OPRK1: variants seen among roughly 807,000 people sequenced by gnomAD.
OPRK1 encodes the protein opioid receptor kappa 1.
Under a neutral mutation model 24.5 loss-of-function variants are expected in OPRK1, and 15 were observed. That is an observed-to-expected ratio of 0.61 (90% CI 0.41 to 0.94). OPRK1 has a LOEUF of 0.94. Ranked by LOEUF, OPRK1 falls within the 40% of genes least tolerant of loss-of-function variation. The pLI, the probability that OPRK1 is intolerant of heterozygous loss-of-function variation, is 0.00. For synonymous variants in OPRK1, 205 were observed against 198.0 expected (o/e 1.04, Z -0.30); for missense variants, 479 against 507.3 (o/e 0.94, Z 0.54).
intron 2 of OPRK1, among the ~76,000 whole-genome samples, chr8:53,247,416 C>T (rs1168222584): frequency 6.6e-6 from 1 of 152,102 alleles, no homozygotes; most frequent in Non-Finnish European, 1.5e-5. Flanking sequence ...TAATGATATA[C>T]CTATAGTTGT....
chr8:53,236,284 T>A (rs1367994746), intron 2 of OPRK1, among the ~76,000 whole-genome samples: 3 of 152,176 alleles, frequency 2.0e-5, no homozygotes, highest in Non-Finnish European at 4.4e-5. Context: ...TAAATAAGAA[T>A]CATAAAACCT....
chr8:53,251,353 T>G, intron 1 of OPRK1, 95 bp downstream of exon 1: 1 of 420,092 alleles, frequency 2.4e-6, no homozygotes, highest in Non-Finnish European at 4.2e-6. Flanking sequence ...GGTGGAACTG[T>G]CCCCAGACTG....
In OPRK1 at chr8:53,225,835, A is replaced by G. The variant is rs1030732359; in HGVS notation, c.*3462T>C. On this transcript the variant is annotated 3_prime_UTR_variant, in exon 4 of 4. Transcript: ENST00000265572. Reference sequence around the variant, plus strand: ...ATAAAAATCATATACATTATAGTAAAGAACATATGAGTATATTCTTGTTTC... The same window carrying G: ...ATAAAAATCATATACATTATAGTAAGGAACATATGAGTATATTCTTGTTTC... 5.2e-5 allele frequency: 8 copies of G among 152,654 alleles called. No homozygotes were observed. The highest frequency in any genetic ancestry group is 1.9e-4 in the African/African-American group (8 of 41,476). 9.5% of individuals were successfully genotyped at this position (152,654 alleles called of 1,614,324 possible). A position where few individuals can be genotyped will look rare whatever the true frequency, so the allele number is the denominator to read the frequency against.
At chr8:53,245,119 G>A (rs538737406) in intron 2 of OPRK1, among the ~76,000 whole-genome samples, 8 of 152,246 alleles carry the variant, frequency 5.3e-5, no homozygotes, top group African/African-American at 1.9e-4. Context: ...CTTCAGTGCA[G>A]GTGCAATTTA....
intron 1 of OPRK1, 79 bp from the exon 2 acceptor site, chr8:53,251,164 A>G (rs893088774): frequency 2.9e-6 from 4 of 1,378,242 alleles, no homozygotes; most frequent in Middle Eastern, 2.7e-4. Context: ...GGGGACCCGG[A>G]GCCTGCGGAC....
intron 2 of OPRK1, among the ~76,000 whole-genome samples, chr8:53,243,502 T>C (rs910083457): frequency 2.6e-5 from 4 of 152,218 alleles, no homozygotes; most frequent in Admixed American, 1.3e-4. Flanking sequence ...GATCACCCAA[T>C]TGGTTTCTCG....
chr8:53,250,439 G>C (rs1807346837), intron 2 of OPRK1, among the ~76,000 whole-genome samples: 1 of 152,040 alleles, frequency 6.6e-6, no homozygotes, highest in African/African-American at 2.4e-5. Flanking sequence ...CCTTTACCAG[G>C]AACCCCTGAC....
At chr8:53,230,273 T>C (rs553257886) in intron 3 of OPRK1, among the ~76,000 whole-genome samples, 1 of 152,314 alleles carries the variant, frequency 6.6e-6, no homozygotes, top group South Asian at 2.1e-4. Flanking sequence ...ATTTCAAATC[T>C]AGCCACTGAA....
At chr8:53,240,159 G>A (rs372556998) in intron 2 of OPRK1, among the ~76,000 whole-genome samples, 132 of 152,272 alleles carry the variant, frequency 8.7e-4, no homozygotes, top group African/African-American at 3.0e-3. Context: ...GTACATTGTG[G>A]AATTTTTCCA....
At position 53,226,046 on chromosome 8, in the gene OPRK1, G is replaced by T. The variant is rs1806674678; in HGVS notation, c.*3251C>A. ...GTCAGCCAGTGTGCTCCCTGAATTT[G>T]CATGAGTCATCGTATTTCATCCCAG... On this transcript the variant is annotated 3_prime_UTR_variant, in exon 4 of 4. Coordinates refer to ENST00000265572, the MANE Select transcript of OPRK1 (RefSeq NM_000912.5). 1 of 152,062 alleles carries T rather than the reference G, an allele frequency of 6.6e-6. No individual in the cohort carries two copies. Among genetic ancestry groups the T allele is most frequent in the African/African-American group, 2.4e-5 (1 of 41,354 alleles). 9.4% of individuals were successfully genotyped at this position (152,062 alleles called of 1,614,324 possible). A position where few individuals can be genotyped will look rare whatever the true frequency, so the allele number is the denominator to read the frequency against.
intron 2 of OPRK1, among the ~76,000 whole-genome samples, chr8:53,236,950 A>G (rs1807010635): frequency 6.6e-6 from 1 of 152,126 alleles, no homozygotes; most frequent in African/African-American, 2.4e-5. Flanking sequence ...CCTGGGTTCT[A>G]GTCCTTATTT....
At chr8:53,241,677 A>T (rs1372008197) in intron 2 of OPRK1, among the ~76,000 whole-genome samples, 1 of 152,208 alleles carries the variant, frequency 6.6e-6, no homozygotes, top group Non-Finnish European at 1.5e-5. Flanking sequence ...AGTATTCTGA[A>T]GGAGTCATAC....
chr8:53,250,651 T>A, intron 2 of OPRK1, 130 bp downstream of exon 2: 1 of 990,106 alleles, frequency 1.0e-6, no homozygotes, highest in South Asian at 1.8e-5. Context: ...CCTGTAGCAT[T>A]TCCAGGATCC....
At chr8:53,241,067 C>T (rs964257915) in intron 2 of OPRK1, among the ~76,000 whole-genome samples, 1 of 152,110 alleles carries the variant, frequency 6.6e-6, no homozygotes, top group Non-Finnish European at 1.5e-5. Flanking sequence ...GCAGGCTCAT[C>T]AGTCCCACAA....
intron 1 of OPRK1, 74 bp from the exon 2 acceptor site, chr8:53,251,159 C>A (rs2128811076): frequency 7.2e-7 from 1 of 1,384,206 alleles, no homozygotes; most frequent in East Asian, 2.9e-5. Flanking sequence ...GCGCTGGGGA[C>A]CCGGAGCCTG....
chr8:53,244,647 A>AT (rs1807189004), intron 2 of OPRK1, among the ~76,000 whole-genome samples: 2 of 152,316 alleles, frequency 1.3e-5, no homozygotes, highest in Admixed American at 1.3e-4. Context: ...GATTCCTCCT[A>AT]TTTTTTCTTG....
At position 53,234,886 on chromosome 8, in the gene OPRK1, G is replaced by GC; in HGVS notation, c.482dup (p.Cys161TrpfsTer49). On this transcript the variant is annotated frameshift_variant, in exon 3 of 4. Transcript: ENST00000265572. LOFTEE classifies it high-confidence loss of function. ...GGAAGTCCAAAGCCTTCACGGGGTG[G>GC]CACACGGCAATGTAGCGGTCCACGC... 2 of 1,614,140 alleles carry GC rather than the reference G, an allele frequency of 1.2e-6. No individual in the cohort carries two copies. The highest frequency in any genetic ancestry group is 3.3e-5 in the Admixed American group (2 of 60,012).
At chr8:53,233,085 T>C (rs1191767047) in intron 3 of OPRK1, among the ~76,000 whole-genome samples, 3 of 152,218 alleles carry the variant, frequency 2.0e-5, no homozygotes, top group African/African-American at 7.2e-5. Context: ...ATTTACCTAG[T>C]AGTATAGCTT....
chr8:53,239,862 G>A (rs967518224), intron 2 of OPRK1, among the ~76,000 whole-genome samples: 3 of 152,112 alleles, frequency 2.0e-5, no homozygotes, highest in Non-Finnish European at 1.5e-5. Flanking sequence ...TTGAGAAAAC[G>A]TCTTAGAAAT....
Sources: allele counts gnomAD v4.1 joint callset (sites outside exome capture counted in the v4.1 genomes callset), GRCh38; gene constraint gnomAD v4.1.1; transcripts MANE v1.5; gene names NCBI Gene and HGNC (gene_info 2026-07-23, HGNC 2026-07-21).